The following YLPM1 variants were observed in gnomAD, a reference collection of about 807,000 sequenced individuals.
The protein encoded by YLPM1 is YLP motif-containing protein 1.
YLPM1 carries 99 observed loss-of-function variants against 230.0 expected under a neutral mutation model. The observed-to-expected ratio is 0.43, with a 90% CI of 0.37 to 0.51. The LOEUF (loss-of-function observed/expected upper bound fraction) is 0.51, where lower values mean the gene tolerates loss of function less well. Among genes scored for constraint, YLPM1 ranks in the 20% least tolerant of loss-of-function variants. The pLI, the probability that YLPM1 is intolerant of heterozygous loss-of-function variation, is 0.00. For missense variants in YLPM1, 2,592 were observed against 2,707.7 expected (o/e 0.96, Z 0.95); for synonymous variants, 984 against 942.5 (o/e 1.04, Z -0.81).
At chr14:74,807,053 A>C (rs2091386564) in intron 6 of YLPM1, among the ~76,000 whole-genome samples, 1 of 152,194 alleles carries the variant, frequency 6.6e-6, no homozygotes, top group East Asian at 1.9e-4. Context: ...TTACCATGCC[A>C]TACTTTAAAA....
chr14:74,764,047 T>A lies in YLPM1; in HGVS notation c.558T>A (p.Pro186=), dbSNP rs1259875355. The A allele has an allele frequency of 4.4e-6, 7 of 1,608,924 alleles. No individual in the cohort carries two copies. The highest frequency in any genetic ancestry group is 5.9e-6 in the Non-Finnish European group (7 of 1,178,600). The change falls in exon 1 of 21, where the codon CCT becomes CCA. Residue 186 remains proline (P), a synonymous_variant. Coordinates refer to ENST00000325680, the MANE Select transcript of YLPM1 (RefSeq NM_019589.3). ...CCTCATCTCAGCCCTACCTGCCTCC[T>A]GCTCAGCCGTCCCCTTCGCAGTCCC... ...PPTSSQPYLP[P]AQPSPSQSPP... is the part of the protein sequence containing the mutation.
chr14:74,824,366 C>A, intron 18 of YLPM1, 59 bp downstream of exon 18: 1 of 1,549,310 alleles, frequency 6.5e-7, no homozygotes, highest in Non-Finnish European at 8.8e-7. Context: ...GGTCATAGAT[C>A]TTTCTGCTAT....
intron 1 of YLPM1, among the ~76,000 whole-genome samples, chr14:74,776,103 A>G (rs2091034724): frequency 6.6e-6 from 1 of 152,082 alleles, no homozygotes; most frequent in Admixed American, 6.5e-5. Flanking sequence ...GAAATTATAT[A>G]ATACTAGGAT....
At chr14:74,824,074 G>A (rs1594845068) in intron 17 of YLPM1, 182 bp from the exon 18 acceptor site, 1 of 597,058 alleles carries the variant, frequency 1.7e-6, no homozygotes, top group Admixed American at 3.2e-5. Context: ...AGTGAAGTTT[G>A]GTGAATTTGG....
rs755266654 is a variant in YLPM1 at position 74,829,271 on chromosome 14, C to A, written c.6222C>A (p.Ala2074=). The change falls in exon 19 of 21, where the codon GCC becomes GCA. Residue 2074 remains alanine (A), a synonymous_variant. Transcript: ENST00000325680. ...TKRKRDWEAI[A]SRMEDYLQLP... ...GGAAACGTGACTGGGAGGCCATTGC[C>A]AGCAGAATGGAGGATTATCTTCAGC... is the stretch of plus-strand genomic sequence containing the variant. 3 of 1,613,240 alleles carry A rather than the reference C, an allele frequency of 1.9e-6. No individual in the cohort carries two copies. The highest frequency in any genetic ancestry group is 2.5e-6 in the Non-Finnish European group (3 of 1,179,420).
At chr14:74,833,603 C>T (rs187588520) in intron 19 of YLPM1, among the ~76,000 whole-genome samples, 1 of 152,080 alleles carries the variant, frequency 6.6e-6, no homozygotes, top group Non-Finnish European at 1.5e-5. Flanking sequence ...GAGCAGAATG[C>T]CCAAAGATTT....
intron 1 of YLPM1, among the ~76,000 whole-genome samples, chr14:74,771,834 T>C (rs199601475): frequency 1.3e-5 from 2 of 152,130 alleles, no homozygotes; most frequent in Admixed American, 6.6e-5. Context: ...GCTGGAGGAA[T>C]AGATGAAGTA....
intron 5 of YLPM1, among the ~76,000 whole-genome samples, chr14:74,800,157 A>C (rs1395241496): frequency 6.6e-6 from 1 of 152,222 alleles, no homozygotes; most frequent in Admixed American, 6.5e-5. Context: ...TTTGCTTAGG[A>C]GCATCCTCAG....
chr14:74,765,888 A>G (rs1234266872), intron 1 of YLPM1, among the ~76,000 whole-genome samples: 1 of 152,216 alleles, frequency 6.6e-6, no homozygotes, highest in Non-Finnish European at 1.5e-5. Flanking sequence ...AGAGTGGTGG[A>G]AAATGAGACT....
Position 74,778,469 on chromosome 14 carries a change from G to C in YLPM1, c.896G>C (p.Arg299Pro). Reference protein sequence around the residue: ...TPQEQQQYWYRQHLLSLQQRT... With the variant: ...TPQEQQQYWYPQHLLSLQQRT... ...TAGGAACAGCAGCAGTATTGGTATC[G>C]ACAGCACTTGCTTAGTTTGCAACAG... The change falls in exon 2 of 21, where the codon CGA becomes CCA. Residue 299 changes from arginine to proline, a missense_variant. By Grantham distance (103) the Arg-to-Pro change is moderately radical (BLOSUM62 -2). Transcript: ENST00000325680. 1 of 1,604,964 alleles carries C rather than the reference G, an allele frequency of 6.2e-7. No homozygotes were observed. Among genetic ancestry groups the C allele is most frequent in the South Asian group, 1.1e-5 (1 of 89,044 alleles).
At chr14:74,801,312 C>G (rs1038530824) in intron 5 of YLPM1, among the ~76,000 whole-genome samples, 2 of 152,020 alleles carry the variant, frequency 1.3e-5, no homozygotes, top group African/African-American at 4.8e-5. Context: ...TGGGATTTAC[C>G]TGAGCAGTAA....
intron 4 of YLPM1, among the ~76,000 whole-genome samples, chr14:74,786,320 C>T (rs753026526): frequency 3.7e-4 from 55 of 148,558 alleles, no homozygotes; most frequent in South Asian, 8.7e-4. Flanking sequence ...CAAGATCGTG[C>T]CACTCTACTC....
At chr14:74,834,191 A>AT (rs1263388491) in intron 19 of YLPM1, among the ~76,000 whole-genome samples, 37 of 151,496 alleles carry the variant, frequency 2.4e-4, no homozygotes, top group South Asian at 6.2e-4. Flanking sequence ...TCTAAAAAAA[A>AT]AAAAAAAAAT....
Position 74,782,345 on chromosome 14 carries a change from T to C in YLPM1, c.2282+20T>C. On this transcript the variant is annotated intron_variant, in intron 4 of 20. Coordinates refer to ENST00000325680, the MANE Select transcript of YLPM1 (RefSeq NM_019589.3). ...CCCAAGGTAGGTCTGCTTTTTTTTC[T>C]CTTTTTTTTTGGTTTGGCTATTTTA... The C allele has an allele frequency of 2.7e-6, 4 of 1,489,860 alleles. No individual in the cohort carries two copies. The highest frequency in any genetic ancestry group is 3.5e-6 in the Non-Finnish European group (4 of 1,130,710). The allele number at this position is 1,489,860 out of a possible 1,614,324, so 92.3% of individuals were successfully genotyped here. A position where few individuals can be genotyped will look rare whatever the true frequency, so the allele number is the denominator to read the frequency against.
In YLPM1 at chr14:74,781,630, T is replaced by G. The variant is rs956980411; in HGVS notation, c.1587T>G (p.Pro529=). 2 of 1,613,878 alleles carry G rather than the reference T, an allele frequency of 1.2e-6. No homozygotes were observed. The highest frequency in any genetic ancestry group is 1.7e-5 in the Admixed American group (1 of 59,998). Residue 529 remains proline, a synonymous_variant, in exon 4 of 21, where the codon CCT becomes CCG. Coordinates refer to ENST00000325680, the MANE Select transcript of YLPM1 (RefSeq NM_019589.3). The part of the protein sequence containing the change: ...PFVPYSQMPP[P]LPTMPPPVLP... ...TTCCATATTCTCAGATGCCTCCACC[T>G]CTACCTACAATGCCCCCTCCAGTGT...
At chr14:74,809,306 A>G in intron 6 of YLPM1, 74 bp from the exon 7 acceptor site, 1 of 1,492,116 alleles carries the variant, frequency 6.7e-7, no homozygotes, top group East Asian at 2.4e-5. Context: ...ATTGAGAACC[A>G]GATTTTAATT....
At chr14:74,773,711 CTTTTTTTTTTTTT>C (rs766885242) in intron 1 of YLPM1, among the ~76,000 whole-genome samples, 10 of 60,564 alleles carry the variant, frequency 1.7e-4, no homozygotes, top group East Asian at 9.6e-4. Context: ...TGTTTTCTTT[CTTTTTTTTTTTTT>C]TTTTTTTTTT....
intron 19 of YLPM1, among the ~76,000 whole-genome samples, chr14:74,832,626 C>T (rs1256959675): frequency 6.6e-6 from 1 of 152,010 alleles, no homozygotes; most frequent in Non-Finnish European, 1.5e-5. Context: ...CCCACCACCA[C>T]GTCCGGCTAA....
At chr14:74,791,384 T>C (rs536721054) in intron 4 of YLPM1, among the ~76,000 whole-genome samples, 6 of 152,366 alleles carry the variant, frequency 3.9e-5, no homozygotes, top group African/African-American at 1.2e-4. Context: ...AATAAAATGA[T>C]GGGCCTTGGC....
Sources: gnomAD v4.1 joint callset for allele counts (sites outside exome capture counted in the v4.1 genomes callset) on GRCh38, gnomAD v4.1.1 for gene constraint, MANE v1.5 for transcripts, NCBI Gene and HGNC (gene_info 2026-07-23, HGNC 2026-07-21) for gene names.